Variants in CBLB observed in about 807,000 individuals in gnomAD.
CBLB encodes Cbl proto-oncogene B, also known as E3 ubiquitin-protein ligase CBL-B.
A neutral mutation model predicts 104.9 loss-of-function variants in CBLB; 31 were observed. The observed-to-expected ratio is 0.30, with a 90% CI of 0.22 to 0.40. CBLB has a LOEUF of 0.40. Ranked by LOEUF, CBLB falls within the 10% of genes least tolerant of loss-of-function variation. The probability of loss-of-function intolerance (pLI) is 1.00; values close to 1 mark genes in which losing one functional copy is unlikely to be tolerated. For synonymous variants in CBLB, 440 were observed against 422.6 expected (o/e 1.04, Z -0.51); for missense variants, 1,062 against 1,214.6 (o/e 0.87, Z 1.87).
At chr3:105,676,307 A>C (rs1414480514) in intron 17 of CBLB, among the ~76,000 whole-genome samples, 4 of 152,220 alleles carry the variant, frequency 2.6e-5, no homozygotes, top group Non-Finnish European at 5.9e-5. Flanking sequence ...GGGTTTCTTT[A>C]TGAAGATTTT....
At position 105,681,512 on chromosome 3, in the gene CBLB, G is replaced by A. The variant is rs946715677; in HGVS notation, c.2395C>T (p.Pro799Ser). 6.2e-7 allele frequency: 1 copy of A among 1,613,988 alleles called. No homozygotes were observed. Among genetic ancestry groups the A allele is most frequent in the African/African-American group, 1.3e-5 (1 of 74,912 alleles). Residue 799 changes from proline to serine, a missense_variant, in exon 16 of 19, where the codon CCC becomes TCC. Pro to Ser is a moderately conservative substitution (Grantham distance 74, BLOSUM62 -1). This residue lies in a region of CBLB where 605 missense variants were observed against 582.6 expected (regional missense o/e 1.04). Transcript: ENST00000394030. ...GGGATGAGAAGATCATAATCAGAGGGCGTCCTGTTGAGTGAAGAACCATGC... is the reference window on the plus strand; with the variant it reads ...GGGATGAGAAGATCATAATCAGAGGACGTCCTGTTGAGTGAAGAACCATGC... ...PKHGSSLNRT[P>S]SDYDLLIPPL... is the part of the protein sequence containing the mutation.
At chr3:105,711,191 T>A (rs2071013405) in intron 10 of CBLB, among the ~76,000 whole-genome samples, 1 of 151,970 alleles carries the variant, frequency 6.6e-6, no homozygotes, top group South Asian at 2.1e-4. Context: ...ATAATCAAAG[T>A]CAATTTTATA....
intron 5 of CBLB, among the ~76,000 whole-genome samples, chr3:105,747,551 A>C (rs2076228318): frequency 6.6e-6 from 1 of 152,200 alleles, no homozygotes; most frequent in Non-Finnish European, 1.5e-5. Flanking sequence ...TGGGCAAGAA[A>C]GGCGCTCTAG....
At chr3:105,821,980 T>C (rs1368262454) in intron 3 of CBLB, among the ~76,000 whole-genome samples, 1 of 152,172 alleles carries the variant, frequency 6.6e-6, no homozygotes, top group Non-Finnish European at 1.5e-5. Context: ...AACATTTTTT[T>C]TGCTTGTTCC....
intron 2 of CBLB, among the ~76,000 whole-genome samples, chr3:105,861,561 T>C (rs1423124576): frequency 6.6e-6 from 1 of 151,964 alleles, no homozygotes; most frequent in African/African-American, 2.4e-5. Flanking sequence ...TAATCTAGAA[T>C]GCTACTGCTT....
At chr3:105,714,110 A>G (rs934865509) in intron 10 of CBLB, among the ~76,000 whole-genome samples, 1 of 152,088 alleles carries the variant, frequency 6.6e-6, no homozygotes, top group African/African-American at 2.4e-5. Context: ...TAATCCTGTG[A>G]TTCAGATTTA....
intron 3 of CBLB, among the ~76,000 whole-genome samples, chr3:105,834,634 C>A (rs959878306): frequency 1.4e-5 from 2 of 147,548 alleles, no homozygotes; most frequent in Non-Finnish European, 3.0e-5. Context: ...CCAGCCTGAG[C>A]GACAGAGCAA....
At chr3:105,702,486 A>AAAAAAAAAAAAAAAAAAC in intron 11 of CBLB, 27 bp from the exon 12 acceptor site, 2 of 1,471,218 alleles carry the variant, frequency 1.4e-6, no homozygotes, top group South Asian at 2.7e-5. Context: ...GAAAAAAAAA[A>AAAAAAAAAAAAAAAAAAC]AAAAAAAAAA....
intron 4 of CBLB, among the ~76,000 whole-genome samples, chr3:105,771,272 GA>G (rs916088819): frequency 1.4e-4 from 21 of 152,188 alleles, no homozygotes; most frequent in Admixed American, 7.8e-4. Flanking sequence ...CACATAAACA[GA>G]AATTTTAAAA....
At chr3:105,801,959 G>A (rs1007735753) in intron 3 of CBLB, among the ~76,000 whole-genome samples, 1 of 152,188 alleles carries the variant, frequency 6.6e-6, no homozygotes, top group African/African-American at 2.4e-5. Context: ...AAGGGACTGA[G>A]AACAGCCTTG....
intron 10 of CBLB, among the ~76,000 whole-genome samples, chr3:105,717,850 C>T (rs2072140890): frequency 6.6e-6 from 1 of 152,194 alleles, no homozygotes; most frequent in African/African-American, 2.4e-5. Flanking sequence ...TATTAATTAA[C>T]ATTGGTAATA....
intron 10 of CBLB, among the ~76,000 whole-genome samples, chr3:105,707,759 ATAAT>A (rs1204906081): frequency 1.3e-5 from 2 of 152,114 alleles, no homozygotes; most frequent in African/African-American, 2.4e-5. Flanking sequence ...AATCCAGTCC[ATAAT>A]TAATTTATTG....
At chr3:105,837,506 G>A (rs960749909) in intron 3 of CBLB, among the ~76,000 whole-genome samples, 2 of 152,198 alleles carry the variant, frequency 1.3e-5, no homozygotes, top group African/African-American at 4.8e-5. Flanking sequence ...AGAAAGCTAT[G>A]CAATATGCTC....
At chr3:105,727,760 T>C (rs1034024816) in intron 9 of CBLB, among the ~76,000 whole-genome samples, 49 of 152,354 alleles carry the variant, frequency 3.2e-4, no homozygotes, top group African/African-American at 1.2e-3. Flanking sequence ...TTTCTGCGTA[T>C]GGCTAGCCAG....
rs2065179836 is a variant in CBLB at position 105,672,526 on chromosome 3, T to G, written c.2570-2174A>C. 1.9e-5 allele frequency: 3 copies of G among 161,520 alleles called. No homozygotes were observed. The Admixed American group carries it at 1.9e-4, about 10-fold the overall frequency. 10.0% of individuals were successfully genotyped at this position (161,520 alleles called of 1,614,324 possible). ...CACAGAGTATAATAATTACCAATTGTCCCCTGATAAGAAAACTTTGTAAAG... is the reference window on the plus strand; with the variant it reads ...CACAGAGTATAATAATTACCAATTGGCCCCTGATAAGAAAACTTTGTAAAG... On this transcript the variant is annotated intron_variant, in intron 17 of 18. Coordinates refer to ENST00000394030, the MANE Select transcript of CBLB (RefSeq NM_170662.5).
intron 6 of CBLB, 129 bp downstream of exon 6, chr3:105,745,788 G>T: frequency 1.3e-6 from 1 of 797,910 alleles, no homozygotes; most frequent in Non-Finnish European, 2.2e-6. Flanking sequence ...CACCATTTTG[G>T]TCTTTTACCT....
intron 4 of CBLB, among the ~76,000 whole-genome samples, chr3:105,754,691 T>C (rs1316869438): frequency 6.6e-6 from 1 of 152,148 alleles, no homozygotes; most frequent in African/African-American, 2.4e-5. Context: ...TGAACAAGTA[T>C]AAGTAACTGT....
At chr3:105,672,099 T>C (rs1382880730) in intron 17 of CBLB, 1 of 193,958 alleles carries the variant, frequency 5.2e-6, no homozygotes, top group Non-Finnish European at 1.1e-5. Flanking sequence ...GAGGAAAGAC[T>C]GTCTTTTACA....
At chr3:105,800,796 C>T (rs1375409602) in intron 3 of CBLB, among the ~76,000 whole-genome samples, 1 of 151,972 alleles carries the variant, frequency 6.6e-6, no homozygotes, top group Non-Finnish European at 1.5e-5. Context: ...TAGTAAATTA[C>T]CACAGGAAGA....
Sources: gnomAD v4.1 joint callset for allele counts (sites outside exome capture counted in the v4.1 genomes callset) on GRCh38, gnomAD v4.1.1 for gene constraint, gnomAD v4.1.1 regional missense constraint, MANE v1.5 for transcripts, NCBI Gene and HGNC (gene_info 2026-07-23, HGNC 2026-07-21) for gene names.